Variants in PLEKHD1 observed in about 807,000 individuals in gnomAD.
PLEKHD1 encodes the protein pleckstrin homology domain-containing family D member 1.
PLEKHD1 carries 51 observed loss-of-function variants against 69.2 expected under a neutral mutation model. That is an observed-to-expected ratio of 0.74 (90% CI 0.59 to 0.93). The LOEUF (loss-of-function observed/expected upper bound fraction) is 0.93, where lower values mean the gene tolerates loss of function less well. Ranked by LOEUF, PLEKHD1 falls within the 40% of genes least tolerant of loss-of-function variation. The pLI is 0.00. For synonymous variants in PLEKHD1, 236 were observed against 244.7 expected (o/e 0.96, Z 0.33); for missense variants, 584 against 641.0 (o/e 0.91, Z 0.96).
chr14:69,520,219 T>G (rs1883482561), intron 6 of PLEKHD1, among the ~76,000 whole-genome samples: 1 of 148,358 alleles, frequency 6.7e-6, no homozygotes, highest in Non-Finnish European at 1.5e-5. Flanking sequence ...TTTGTTATTT[T>G]CCAGTGTAAG....
chr14:69,484,761 C>G lies in PLEKHD1; in HGVS notation c.-205C>G. On this transcript the variant is annotated 5_prime_UTR_variant, in exon 1 of 13. Coordinates refer to ENST00000322564, the MANE Select transcript of PLEKHD1 (RefSeq NM_001161498.2). ...CGCCCGGCCCTCTGCAATCCGGAGC[C>G]CAAGCCGCCGGCTACGCGCCCTGCG... is the stretch of plus-strand genomic sequence containing the variant. 1 of 579,096 alleles carries G rather than the reference C, an allele frequency of 1.7e-6. No individual in the cohort carries two copies. Among genetic ancestry groups the G allele is most frequent in the Non-Finnish European group, 2.9e-6 (1 of 342,534 alleles). The allele number at this position is 579,096 out of a possible 1,614,324, so 35.9% of individuals were successfully genotyped here. A position where few individuals can be genotyped will look rare whatever the true frequency, so the allele number is the denominator to read the frequency against.
the PLEKHD1 span, among the ~76,000 whole-genome samples, chr14:69,475,515 G>C: frequency 2.0e-5 from 3 of 152,186 alleles, no homozygotes; most frequent in Non-Finnish European, 4.4e-5. Context: ...GTGATTACTG[G>C]GCAGTGAGAG....
At chr14:69,507,336 T>C (rs1054688832) in intron 6 of PLEKHD1, among the ~76,000 whole-genome samples, 6 of 152,222 alleles carry the variant, frequency 3.9e-5, no homozygotes, top group Admixed American at 3.9e-4. Context: ...TGTGGCTTGA[T>C]AGCTCATTTC....
chr14:69,475,187 A>T, the PLEKHD1 span, among the ~76,000 whole-genome samples: 1 of 152,206 alleles, frequency 6.6e-6, no homozygotes, highest in Non-Finnish European at 1.5e-5. Context: ...TTTCCCTTAG[A>T]TGTTCTGGGA....
chr14:69,528,464 G>C lies in PLEKHD1; in HGVS notation c.*45G>C. 6.5e-7 allele frequency: 1 copy of C among 1,533,248 alleles called. No homozygotes were observed. The highest frequency in any genetic ancestry group is 8.8e-7 in the Non-Finnish European group (1 of 1,139,124). The allele number at this position is 1,533,248 out of a possible 1,614,324, so 95.0% of individuals were successfully genotyped here. ...TCCCAAGTCTCCCCTGGATGGGCGG[G>C]GGAGGGGAAGGGGTGGCAGAGGGAG... On this transcript the variant is annotated 3_prime_UTR_variant, in exon 13 of 13. Coordinates refer to ENST00000322564, the MANE Select transcript of PLEKHD1 (RefSeq NM_001161498.2).
At chr14:69,510,520 C>T (rs1402158716) in intron 6 of PLEKHD1, among the ~76,000 whole-genome samples, 1 of 151,886 alleles carries the variant, frequency 6.6e-6, no homozygotes, top group East Asian at 1.9e-4. Context: ...AAGACCCTAT[C>T]TTCAAAAGAA....
chr14:69,511,888 G>A (rs1216370126), intron 6 of PLEKHD1, among the ~76,000 whole-genome samples: 1 of 152,106 alleles, frequency 6.6e-6, no homozygotes, highest in Non-Finnish European at 1.5e-5. Context: ...ATTAGGTTTT[G>A]GTAAGGTAAT....
At chr14:69,483,805 G>T (rs574211839), upstream of PLEKHD1, among the ~76,000 whole-genome samples, 2 of 152,364 alleles carry the variant, frequency 1.3e-5, no homozygotes, top group East Asian at 3.9e-4. Flanking sequence ...CTGGCAGGTG[G>T]CGCGGGGCAG....
At chr14:69,518,030 A>ATTTATTTG (rs869141416) in intron 6 of PLEKHD1, among the ~76,000 whole-genome samples, 1 of 38,520 alleles carries the variant, frequency 2.6e-5, no homozygotes, top group African/African-American at 7.5e-5. Context: ...TTATTTATTT[A>ATTTATTTG]TTTGTTTGTT....
intron 6 of PLEKHD1, among the ~76,000 whole-genome samples, chr14:69,516,587 T>C (rs1389964650): frequency 1.3e-5 from 2 of 152,210 alleles, no homozygotes; most frequent in Non-Finnish European, 2.9e-5. Context: ...AATAATCTTC[T>C]ATTTTTGATC....
the PLEKHD1 span, among the ~76,000 whole-genome samples, chr14:69,467,803 T>A: frequency 6.6e-6 from 1 of 152,150 alleles, no homozygotes. Flanking sequence ...AGATGGAGTT[T>A]CAGGTGAGGG....
At chr14:69,510,144 A>G (rs1473493030) in intron 6 of PLEKHD1, among the ~76,000 whole-genome samples, 2 of 152,144 alleles carry the variant, frequency 1.3e-5, no homozygotes, top group East Asian at 3.8e-4. Context: ...TCAGTCTTCC[A>G]ATTTTCTCCT....
chr14:69,470,993 G>A, the PLEKHD1 span, among the ~76,000 whole-genome samples: 545 of 147,062 alleles, frequency 3.7e-3, 3 homozygotes, highest in African/African-American at 0.012. Context: ...GGGTTTCACC[G>A]TTTTAGCCAG....
At chr14:69,493,494 C>G (rs1882821511) in intron 1 of PLEKHD1, among the ~76,000 whole-genome samples, 1 of 152,204 alleles carries the variant, frequency 6.6e-6, no homozygotes, top group Non-Finnish European at 1.5e-5. Flanking sequence ...AAAAAACAAG[C>G]ACGTTCACAA....
the PLEKHD1 span, among the ~76,000 whole-genome samples, chr14:69,476,052 GT>G: frequency 1.3e-5 from 2 of 152,136 alleles, no homozygotes; most frequent in Non-Finnish European, 2.9e-5. Context: ...GAGGTCAGGA[GT>G]TCGAGACCAG....
At chr14:69,479,870 A>C (rs985446076), upstream of PLEKHD1, among the ~76,000 whole-genome samples, 2 of 152,124 alleles carry the variant, frequency 1.3e-5, no homozygotes, top group Non-Finnish European at 1.5e-5. Context: ...CCACACACAC[A>C]GACTATTTTA....
intron 1 of PLEKHD1, among the ~76,000 whole-genome samples, chr14:69,495,235 C>T (rs1020591068): frequency 2.6e-5 from 4 of 152,208 alleles, no homozygotes; most frequent in South Asian, 2.1e-4. Flanking sequence ...GTGCTGAGGA[C>T]TTTACATGCC....
Position 69,527,198 on chromosome 14 carries a change from AG to A in PLEKHD1, c.1069del (p.Val357SerfsTer23). ...TCTCCTCAACCTCAGGCTGAGGTGA[AG>A]GTCCGCATGGACCTGGAGAGGCGTC... ...QAERELKAEVKVRMDLERRLR... is the reference protein window; with the variant it reads ...QAERELKAEVXVRMDLERRLR... On this transcript the variant is annotated frameshift_variant, in exon 11 of 13. Transcript: ENST00000322564. LOFTEE classifies it high-confidence loss of function. The A allele has an allele frequency of 6.5e-7, 1 of 1,545,930 alleles. No individual in the cohort carries two copies. The highest frequency in any genetic ancestry group is 8.7e-7 in the Non-Finnish European group (1 of 1,144,810).
intron 6 of PLEKHD1, among the ~76,000 whole-genome samples, chr14:69,512,910 A>AAG (rs1555338069): frequency 2.0e-5 from 3 of 151,850 alleles, no homozygotes; most frequent in African/African-American, 4.8e-5. Flanking sequence ...AAAAAAAAAA[A>AAG]AGAGAGAGAG....
Sources: allele counts gnomAD v4.1 joint callset (sites outside exome capture counted in the v4.1 genomes callset), GRCh38; gene constraint gnomAD v4.1.1; transcripts MANE v1.5; gene names NCBI Gene and HGNC (gene_info 2026-07-23, HGNC 2026-07-21).